Variants in PDE1C observed in about 807,000 individuals in gnomAD.
The protein encoded by PDE1C is phosphodiesterase 1C.
Under a neutral mutation model 93.1 loss-of-function variants are expected in PDE1C, and 62 were observed. The observed-to-expected ratio is 0.67, with a 90% confidence interval of 0.54 to 0.82. PDE1C has a LOEUF of 0.82. Among genes scored for constraint, PDE1C ranks in the 40% least tolerant of loss-of-function variants. The pLI, the probability that PDE1C is intolerant of heterozygous loss-of-function variation, is 0.00. For synonymous variants in PDE1C, 325 were observed against 310.1 expected (o/e 1.05, Z -0.50); for missense variants, 742 against 884.6 (o/e 0.84, Z 2.04).
At chr7:31,842,095 T>G (rs1791975932) in intron 9 of PDE1C, among the ~76,000 whole-genome samples, 2 of 152,132 alleles carry the variant, frequency 1.3e-5, no homozygotes, top group South Asian at 4.1e-4. Context: ...AACAGAATAA[T>G]GCTTGACCAA....
At chr7:32,350,123 T>C (rs1193986032) in intron 1 of PDE1C, among the ~76,000 whole-genome samples, 1 of 152,188 alleles carries the variant, frequency 6.6e-6, no homozygotes. Flanking sequence ...TTTTCTTCCT[T>C]CTTCTTTTTC....
chr7:32,344,098 G>A (rs1256282248), intron 1 of PDE1C, among the ~76,000 whole-genome samples: 5 of 152,104 alleles, frequency 3.3e-5, no homozygotes, highest in Non-Finnish European at 7.4e-5. Context: ...TTTAGAGACA[G>A]GATCTTGCTC....
At chr7:32,068,901 C>G (rs1795707765) in intron 1 of PDE1C, among the ~76,000 whole-genome samples, 1 of 152,172 alleles carries the variant, frequency 6.6e-6, no homozygotes, top group Non-Finnish European at 1.5e-5. Flanking sequence ...GTGTGCAGCA[C>G]AATACAATCG....
At chr7:31,728,849 G>A in the PDE1C span, among the ~76,000 whole-genome samples, 1 of 152,194 alleles carries the variant, frequency 6.6e-6, no homozygotes, top group Non-Finnish European at 1.5e-5. Context: ...AAGAGAGTAT[G>A]GAAAGAAGAA....
intron 2 of PDE1C, among the ~76,000 whole-genome samples, chr7:31,986,929 A>ACAC (rs1783484801): frequency 2.7e-5 from 4 of 149,792 alleles, no homozygotes; most frequent in African/African-American, 9.8e-5. Flanking sequence ...ATTGAACACG[A>ACAC]ACACACACAC....
chr7:31,621,652 A>G, the PDE1C span, among the ~76,000 whole-genome samples: 10 of 148,758 alleles, frequency 6.7e-5, no homozygotes, highest in East Asian at 3.9e-4. Flanking sequence ...CTGCAAAATC[A>G]TGCCAAAATG....
At chr7:31,732,638 C>CTGTGTGTGTGTGTGTGTGTG in the PDE1C span, among the ~76,000 whole-genome samples, 65 of 144,302 alleles carry the variant, frequency 4.5e-4, no homozygotes, top group Non-Finnish European at 6.8e-4. Context: ...TCCTCTCTTT[C>CTGTGTGTGTGTGTGTGTGTG]TGTGTGTGTG....
intron 2 of PDE1C, 89 bp from the exon 3 acceptor site, chr7:31,880,949 ATATTCTCACT>A: frequency 1.2e-6 from 1 of 826,510 alleles, no homozygotes; most frequent in East Asian, 2.5e-5. Flanking sequence ...CAGTCATCGA[ATATTCTCACT>A]TATTCTGATA....
intron 3 of PDE1C, among the ~76,000 whole-genome samples, chr7:32,077,363 G>A (rs1393975306): frequency 1.3e-5 from 2 of 152,106 alleles, no homozygotes; most frequent in African/African-American, 2.4e-5. Context: ...ACAGAAACTG[G>A]AACACTATAA....
intron 2 of PDE1C, among the ~76,000 whole-genome samples, chr7:31,934,569 A>AAC (rs1434056255): frequency 2.6e-5 from 4 of 151,964 alleles, no homozygotes; most frequent in African/African-American, 7.3e-5. Context: ...TACAAAAAAA[A>AAC]AAAAAATCAC....
At chr7:32,250,452 A>C (rs1219200398) in intron 1 of PDE1C, among the ~76,000 whole-genome samples, 5 of 152,190 alleles carry the variant, frequency 3.3e-5, no homozygotes, top group African/African-American at 1.2e-4. Context: ...TCTCAGACCA[A>C]TTGAATCAGA....
chr7:31,942,826 A>G (rs1806036235), intron 2 of PDE1C, among the ~76,000 whole-genome samples: 1 of 152,210 alleles, frequency 6.6e-6, no homozygotes, highest in African/African-American at 2.4e-5. Flanking sequence ...GCCGATTCAC[A>G]TATATGAAAA....
At chr7:31,930,876 A>AAAAAAAAAAAAT (rs1804129299) in intron 2 of PDE1C, among the ~76,000 whole-genome samples, 1 of 142,474 alleles carries the variant, frequency 7.0e-6, no homozygotes, top group African/African-American at 2.6e-5. Flanking sequence ...AAAAAAAAAA[A>AAAAAAAAAAAAT]GCTTATCCAC....
At chr7:32,367,612 T>G (rs1211839015) in intron 1 of PDE1C, among the ~76,000 whole-genome samples, 1 of 151,956 alleles carries the variant, frequency 6.6e-6, no homozygotes, top group African/African-American at 2.4e-5. Flanking sequence ...ATCCAGCACT[T>G]TGGGAGACCA....
intron 6 of PDE1C, among the ~76,000 whole-genome samples, chr7:31,867,762 C>T (rs779579694): frequency 7.9e-5 from 12 of 152,264 alleles, no homozygotes; most frequent in Non-Finnish European, 1.5e-4. Flanking sequence ...AACACCAGTG[C>T]AAGTGTAGAA....
chr7:32,323,750 C>A (rs1215272447), intron 1 of PDE1C, among the ~76,000 whole-genome samples: 1 of 152,156 alleles, frequency 6.6e-6, no homozygotes, highest in Non-Finnish European at 1.5e-5. Context: ...AGACAATGCC[C>A]AATTAGGACC....
the PDE1C span, among the ~76,000 whole-genome samples, chr7:31,745,213 A>G: frequency 6.6e-6 from 1 of 152,188 alleles, no homozygotes; most frequent in Non-Finnish European, 1.5e-5. Flanking sequence ...TTCTGAGACT[A>G]TTTCTAAGCC....
At chr7:32,072,093 C>A (rs1408782471), upstream of PDE1C, among the ~76,000 whole-genome samples, 3 of 152,170 alleles carry the variant, frequency 2.0e-5, no homozygotes, top group African/African-American at 7.2e-5. Flanking sequence ...TTCACCTGAC[C>A]TTAACAAAGG....
the PDE1C span, among the ~76,000 whole-genome samples, chr7:31,620,240 G>A: frequency 2.0e-5 from 3 of 152,120 alleles, no homozygotes; most frequent in African/African-American, 7.2e-5. Flanking sequence ...CTGTCTGACA[G>A]CTTTGAAGAG....
Sources: allele counts gnomAD v4.1 joint callset (sites outside exome capture counted in the v4.1 genomes callset), GRCh38; gene constraint gnomAD v4.1.1; transcripts MANE v1.5; gene names NCBI Gene and HGNC (gene_info 2026-07-23, HGNC 2026-07-21).